NHSL1: variants seen among roughly 807,000 people sequenced by gnomAD.
NHSL1 encodes the protein NHS like 1, also known as NHS-like protein 1.
NHSL1 carries 48 observed loss-of-function variants against 95.0 expected under a neutral mutation model. The ratio of observed to expected loss-of-function variants is 0.51; its 90% CI spans 0.40 to 0.64. The LOEUF is 0.64. Among genes scored for constraint, NHSL1 ranks in the 30% least tolerant of loss-of-function variants. The pLI, the probability that NHSL1 is intolerant of heterozygous loss-of-function variation, is 0.00. For synonymous variants in NHSL1, 783 were observed against 833.9 expected (o/e 0.94, Z 1.05); for missense variants, 1,971 against 2,077.7 (o/e 0.95, Z 1.00).
At chr6:138,534,658 G>C (rs1782265952) in intron 1 of NHSL1, among the ~76,000 whole-genome samples, 1 of 152,144 alleles carries the variant, frequency 6.6e-6, no homozygotes, top group East Asian at 1.9e-4. Context: ...ATGGAAATCA[G>C]TTTTCCAAAA....
chr6:138,439,038 A>G (rs955181910), intron 5 of NHSL1, among the ~76,000 whole-genome samples: 4 of 152,354 alleles, frequency 2.6e-5, no homozygotes, highest in East Asian at 3.9e-4. Context: ...AGTTTATCAG[A>G]TAAGTTTTGG....
chr6:138,461,917 G>A (rs1391222957), intron 3 of NHSL1, among the ~76,000 whole-genome samples: 1 of 152,184 alleles, frequency 6.6e-6, no homozygotes, highest in Non-Finnish European at 1.5e-5. Context: ...TCCTTGAGAG[G>A]TTGGCCTTAT....
At chr6:138,635,538 C>G (rs1784876008) in intron 1 of NHSL1, among the ~76,000 whole-genome samples, 1 of 151,966 alleles carries the variant, frequency 6.6e-6, no homozygotes, top group African/African-American at 2.4e-5. Context: ...AAAGAACTTT[C>G]CCAGTAAACA....
chr6:138,432,087 G>A lies in NHSL1; in HGVS notation c.2258C>T (p.Thr753Ile), dbSNP rs1168093536. 14 of 1,551,644 alleles carry A rather than the reference G, an allele frequency of 9.0e-6. No individual in the cohort carries two copies. Among genetic ancestry groups the A allele is most frequent in the African/African-American group, 1.4e-5 (1 of 73,174 alleles). ...CCCGCACAGGGAGTAGACATTGGGG[G>A]TGGTGGCGGAAGTCATGCTGCTGCC... Reference protein sequence around the residue: ...SAGSSMTSATTPNVYSLCGAT... With the variant: ...SAGSSMTSATIPNVYSLCGAT... The change falls in exon 6 of 8, where the codon ACC becomes ATC. Residue 753 changes from threonine (T) to isoleucine (I), a missense_variant. This residue lies in a region of NHSL1 where 1,602 missense variants were observed against 1,654.5 expected (regional missense o/e 0.97). Coordinates refer to ENST00000343505, the MANE Select transcript of NHSL1 (RefSeq NM_001144060.2). This position sits in a 1 kb window ranked among gnomAD's most constrained non-coding sequence, Gnocchi z 4.4.
At chr6:138,567,696 A>G (rs1445257197) in intron 1 of NHSL1, among the ~76,000 whole-genome samples, 1 of 152,162 alleles carries the variant, frequency 6.6e-6, no homozygotes, top group Non-Finnish European at 1.5e-5. Flanking sequence ...TATCTAGTAT[A>G]TGGATTATTC....
chr6:138,463,679 C>T (rs1479720630), intron 3 of NHSL1, among the ~76,000 whole-genome samples: 4 of 151,992 alleles, frequency 2.6e-5, no homozygotes, highest in Non-Finnish European at 4.4e-5. Flanking sequence ...TGCCCTAATG[C>T]TCTCCCTCCC....
intron 1 of NHSL1, among the ~76,000 whole-genome samples, chr6:138,653,431 G>A (rs1785117202): frequency 6.6e-6 from 1 of 152,114 alleles, no homozygotes; most frequent in Non-Finnish European, 1.5e-5. Flanking sequence ...GCATGTGCCT[G>A]TAATCCCAGA....
intron 2 of NHSL1, among the ~76,000 whole-genome samples, chr6:138,495,366 T>C (rs1305267772): frequency 6.6e-6 from 1 of 152,218 alleles, no homozygotes. Flanking sequence ...TGGCAGAACC[T>C]AGGCTCAGAG....
chr6:138,434,508 G>A (rs2128205013), intron 5 of NHSL1, among the ~76,000 whole-genome samples: 1 of 150,680 alleles, frequency 6.6e-6, no homozygotes, highest in East Asian at 1.9e-4. Context: ...TAGATTTCAA[G>A]CTACCCAGGA....
At position 138,561,899 on chromosome 6, in the gene NHSL1, C is replaced by T. The variant is rs533172952; in HGVS notation, c.202+9811G>A. On this transcript the variant is annotated intron_variant, in intron 1 of 6. Coordinates refer to the NHSL1 transcript ENST00000427025. Reference sequence around the variant, plus strand: ...TATCCAAAGCAAGATGCAGCCAGCACAGTAACGAATTTTAGCAAAAACTAA... The same window carrying T: ...TATCCAAAGCAAGATGCAGCCAGCATAGTAACGAATTTTAGCAAAAACTAA... 2.1e-3 allele frequency among the ~76,000 whole-genome samples: 320 copies of T among 152,324 alleles called. 3 individuals carry two copies. Among genetic ancestry groups the T allele is most frequent in the African/African-American group, 7.3e-3 (302 of 41,562 alleles).
Position 138,437,329 on chromosome 6 carries a change from CATATATATATAT to C in NHSL1, c.665-3661_665-3650del, listed in dbSNP as rs777583497. Among the ~76,000 whole-genome samples the C allele has an allele frequency of 2.2e-3, 218 of 100,936 alleles. 17 individuals are homozygous for C. Among genetic ancestry groups the C allele is most frequent in the African/African-American group, 8.4e-3 (191 of 22,868 alleles). 66.2% of individuals were successfully genotyped at this position (100,936 alleles called of 152,430 possible). A position where few individuals can be genotyped will look rare whatever the true frequency, so the allele number is the denominator to read the frequency against. ...ATATATATATATATATACACACACA[CATATATATATAT>C]ACACATATATATATACACATATATA... On this transcript the variant is annotated intron_variant, in intron 5 of 7. Transcript: ENST00000343505.
chr6:138,526,935 T>C (rs1312525419), intron 1 of NHSL1, among the ~76,000 whole-genome samples: 3 of 152,204 alleles, frequency 2.0e-5, no homozygotes, highest in East Asian at 1.9e-4. Context: ...TCGATAAAGT[T>C]TGTCATTCGT....
intron 1 of NHSL1, among the ~76,000 whole-genome samples, chr6:138,517,093 T>C (rs1781491047): frequency 6.6e-6 from 1 of 152,218 alleles, no homozygotes; most frequent in Admixed American, 6.5e-5. Flanking sequence ...TTCTGCACAA[T>C]GATTTCCCCC....
intron 1 of NHSL1, among the ~76,000 whole-genome samples, chr6:138,603,989 C>T (rs766430345): frequency 2.0e-5 from 3 of 152,030 alleles, no homozygotes; most frequent in Non-Finnish European, 2.9e-5. Context: ...ATGGATGGGG[C>T]AATAAAAATG....
At chr6:138,617,736 C>T (rs920070211) in intron 1 of NHSL1, among the ~76,000 whole-genome samples, 1 of 152,244 alleles carries the variant, frequency 6.6e-6, no homozygotes, top group Non-Finnish European at 1.5e-5. Context: ...AAGAATTCTA[C>T]GGAACTGCAG....
At chr6:138,675,575 C>T (rs1045213482) in intron 1 of NHSL1, among the ~76,000 whole-genome samples, 1 of 152,064 alleles carries the variant, frequency 6.6e-6, no homozygotes, top group Non-Finnish European at 1.5e-5. Context: ...CGCTCTGTCA[C>T]CCAGACTGGA....
At chr6:138,691,457 T>C (rs1785668374) in intron 1 of NHSL1, among the ~76,000 whole-genome samples, 1 of 152,256 alleles carries the variant, frequency 6.6e-6, no homozygotes, top group African/African-American at 2.4e-5. Flanking sequence ...TAAGTTTTTC[T>C]AGCTAGCTGG....
At chr6:138,488,986 T>G (rs1334766754) in intron 2 of NHSL1, among the ~76,000 whole-genome samples, 2 of 152,178 alleles carry the variant, frequency 1.3e-5, no homozygotes, top group African/African-American at 4.8e-5. Context: ...TTTCAGAGGT[T>G]GATGGTGAGT....
chr6:138,595,583 T>A, intron 1 of NHSL1, among the ~76,000 whole-genome samples: 1 of 152,206 alleles, frequency 6.6e-6, no homozygotes, highest in East Asian at 1.9e-4. Flanking sequence ...TCTCTTTTTT[T>A]AAAACAGATA....
Sources: gnomAD v4.1 joint callset for allele counts (sites outside exome capture counted in the v4.1 genomes callset) on GRCh38, gnomAD v4.1.1 for gene constraint, gnomAD v4.1.1 regional missense constraint, Gnocchi (gnomAD v3.1) non-coding constraint, MANE v1.5 for transcripts, NCBI Gene and HGNC (gene_info 2026-07-23, HGNC 2026-07-21) for gene names.